NCKAP1: variants seen among roughly 807,000 people sequenced by gnomAD.
NCKAP1 encodes the protein nck-associated protein 1.
NCKAP1 carries 21 observed loss-of-function variants against 151.2 expected under a neutral mutation model. The ratio of observed to expected loss-of-function variants is 0.14; its 90% confidence interval spans 0.10 to 0.20. The LOEUF (loss-of-function observed/expected upper bound fraction) is 0.20. Ranked by LOEUF, NCKAP1 falls within the 10% of genes least tolerant of loss-of-function variation. The probability of loss-of-function intolerance (pLI) is 1.00; values close to 1 mark genes in which losing one functional copy is unlikely to be tolerated. For missense variants in NCKAP1, 933 were observed against 1,352.1 expected, an observed-to-expected ratio of 0.69 and a Z score of 4.86; for synonymous variants, 484 against 451.8, an observed-to-expected ratio of 1.07 and a Z score of -0.90.
At position 183,034,058 on chromosome 2, in the gene NCKAP1, A is replaced by G. The variant is rs145565206; in HGVS notation, c.108+3934T>C. On this transcript the variant is annotated intron_variant, in intron 1 of 30. Coordinates refer to ENST00000361354, the MANE Select transcript of NCKAP1 (RefSeq NM_013436.5). ...TGGAACACGCTTCTGCATCTGATTG[A>G]CCAAAAGAGAAAATAACACCCTAAG... Among the ~76,000 whole-genome samples, 106 of 152,310 alleles carry G rather than the reference A, an allele frequency of 7.0e-4. 1 individual carries two copies. The East Asian group carries it at 0.017, about 25-fold the overall frequency.
In NCKAP1 at chr2:183,038,114, C is replaced by T; in HGVS notation, c.-15G>A. On this transcript the variant is annotated 5_prime_UTR_variant, in exon 1 of 31. Coordinates refer to ENST00000361354, the MANE Select transcript of NCKAP1 (RefSeq NM_013436.5). Reference sequence around the variant, plus strand: ...GAGCGCGACATGGTGGTGCTGGTGCCGCCGCCGCCGCCGGCCGCCTCGCGC... The same window carrying T: ...GAGCGCGACATGGTGGTGCTGGTGCTGCCGCCGCCGCCGGCCGCCTCGCGC... 2 of 1,477,454 alleles carry T rather than the reference C, an allele frequency of 1.4e-6. No individual in the cohort carries two copies. The highest frequency in any genetic ancestry group is 9.0e-7 in the Non-Finnish European group (1 of 1,110,938). The allele number at this position is 1,477,454 out of a possible 1,614,324, so 91.5% of individuals were successfully genotyped here.
intron 26 of NCKAP1, 124 bp downstream of exon 26, chr2:182,934,628 G>A (rs1696835629): frequency 1.7e-6 from 1 of 589,822 alleles, no homozygotes. Flanking sequence ...AGGCAAGCAT[G>A]CTAACTAACC....
At chr2:182,946,619 A>G (rs1329831787) in intron 23 of NCKAP1, among the ~76,000 whole-genome samples, 1 of 152,118 alleles carries the variant, frequency 6.6e-6, no homozygotes, top group African/African-American at 2.4e-5. Flanking sequence ...AAAAATGCTC[A>G]AACAAGTATG....
At chr2:182,941,061 A>G (rs1471215501) in intron 24 of NCKAP1, among the ~76,000 whole-genome samples, 7 of 151,936 alleles carry the variant, frequency 4.6e-5, no homozygotes, top group Non-Finnish European at 1.0e-4. Flanking sequence ...CTTCTGGATT[A>G]TTTTTTGTTT....
chr2:182,987,344 CA>C (rs1698077313), intron 9 of NCKAP1, among the ~76,000 whole-genome samples: 1 of 152,044 alleles, frequency 6.6e-6, no homozygotes, highest in Non-Finnish European at 1.5e-5. Flanking sequence ...ATTCTTTGAG[CA>C]AATTTCCAAA....
At chr2:182,935,513 C>T (rs1365589589) in intron 24 of NCKAP1, 138 bp from the exon 25 acceptor site, 3 of 527,640 alleles carry the variant, frequency 5.7e-6, no homozygotes, top group Non-Finnish European at 6.5e-6. Flanking sequence ...AATTTGATTA[C>T]AATAATGATT....
chr2:182,939,436 G>A (rs1170982568), intron 24 of NCKAP1, among the ~76,000 whole-genome samples: 1 of 152,126 alleles, frequency 6.6e-6, no homozygotes, highest in African/African-American at 2.4e-5. Flanking sequence ...GGCTGATGCA[G>A]GAGAATTGGT....
intron 2 of NCKAP1, among the ~76,000 whole-genome samples, chr2:183,009,858 A>G (rs942353820): frequency 4.6e-5 from 7 of 152,240 alleles, no homozygotes; most frequent in African/African-American, 1.2e-4. Flanking sequence ...CACTTCTTCA[A>G]TACACTTCAA....
intron 29 of NCKAP1, 38 bp from the exon 30 acceptor site, chr2:182,926,943 T>C (rs1390238604): frequency 2.2e-6 from 3 of 1,382,798 alleles, no homozygotes; most frequent in Non-Finnish European, 2.0e-6. Context: ...AGTTTGTTAA[T>C]AAAAGGTTCA....
Position 182,956,524 on chromosome 2 carries a change from T to C in NCKAP1, c.2091A>G (p.Val697=), listed in dbSNP as rs1243188941. The change falls in exon 20 of 31, where the codon GTA becomes GTG. Residue 697 remains valine (V), a synonymous_variant. Coordinates refer to ENST00000361354, the MANE Select transcript of NCKAP1 (RefSeq NM_013436.5). ...FSINYVPNMV[V]WEHTFTPREY... ...CTCGTGGGGTAAAGGTATGTTCCCATACCACCATGTTTGGTACATAATTTA... is the reference window on the plus strand; with the variant it reads ...CTCGTGGGGTAAAGGTATGTTCCCACACCACCATGTTTGGTACATAATTTA... 5.6e-6 allele frequency: 9 copies of C among 1,611,092 alleles called. No homozygotes were observed. The Admixed American group carries it at 1.0e-4, about 18-fold the overall frequency.
chr2:182,966,058 T>C (rs1052059557), intron 16 of NCKAP1, among the ~76,000 whole-genome samples: 1 of 152,166 alleles, frequency 6.6e-6, no homozygotes, highest in Admixed American at 6.5e-5. Flanking sequence ...TTATACTATT[T>C]TCCAAAATAA....
At chr2:182,988,767 G>C (rs1395102009) in intron 9 of NCKAP1, among the ~76,000 whole-genome samples, 2 of 152,060 alleles carry the variant, frequency 1.3e-5, no homozygotes, top group Non-Finnish European at 2.9e-5. Context: ...TGCAAAAGAA[G>C]ACATATCTTC....
chr2:182,926,703 T>C lies in NCKAP1; in HGVS notation c.3270+113A>G, dbSNP rs886113603. On this transcript the variant is annotated intron_variant, in intron 30 of 30. Transcript: ENST00000361354. ...AAATTTTAGAAAGGTGTGGCTTACG[T>C]GAAGTGAACAAAAGGGATCAAAAAA... is the stretch of plus-strand genomic sequence containing the variant. The C allele has an allele frequency of 6.1e-5, 39 of 641,836 alleles. 1 individual carries two copies. The African/African-American group carries it at 6.8e-4, about 11-fold the overall frequency. The allele number at this position is 641,836 out of a possible 1,614,324, so 39.8% of individuals were successfully genotyped here.
chr2:183,000,512 CGG>C (rs1698356391), intron 6 of NCKAP1, among the ~76,000 whole-genome samples: 2 of 152,020 alleles, frequency 1.3e-5, no homozygotes, highest in African/African-American at 4.8e-5. Flanking sequence ...AAGACAGTTC[CGG>C]GTGGGGAAAA....
Position 182,925,726 on chromosome 2 carries a change from T to C in NCKAP1, c.3363A>G (p.Lys1121=), listed in dbSNP as rs768691464. Residue 1121 remains lysine, a synonymous_variant, in exon 31 of 31, where the codon AAA becomes AAG. Coordinates refer to ENST00000361354, the MANE Select transcript of NCKAP1 (RefSeq NM_013436.5). ...TTTATGCAGAAGATGTAACACTTTG[T>C]TTGTAGACAGCATGGTATGCATTTC... ...LLRNAYHAVY[K]QSVTSSA 1.3e-6 allele frequency: 2 copies of C among 1,572,742 alleles called. No homozygotes were observed. The highest frequency in any genetic ancestry group is 1.7e-6 in the Non-Finnish European group (2 of 1,161,914).
chr2:182,989,046 A>G lies in NCKAP1; in HGVS notation c.931T>C (p.Phe311Leu), dbSNP rs371813868. The change falls in exon 9 of 31, where the codon TTT (phenylalanine) becomes CTT (leucine). Residue 311 changes from phenylalanine to leucine, a missense_variant. Phe to Leu is a conservative substitution (Grantham distance 22, BLOSUM62 0). Coordinates refer to ENST00000361354, the MANE Select transcript of NCKAP1 (RefSeq NM_013436.5). ...ATGCCATACCCTCGTATGTTTACAAATAAGTCTTCTGCAGCTTTGTGAATG... is the reference window on the plus strand; with the variant it reads ...ATGCCATACCCTCGTATGTTTACAAGTAAGTCTTCTGCAGCTTTGTGAATG... ...FHIHKAAEDL[F>L]VNIRGYNKRI... The G allele has an allele frequency of 2.0e-5, 33 of 1,611,968 alleles. No individual in the cohort carries two copies. Among genetic ancestry groups the G allele is most frequent in the African/African-American group, 2.7e-5 (2 of 74,742 alleles).
rs1259063749 is a variant in NCKAP1 at position 182,912,397 on chromosome 2, G to GT, written c.*13304dup. On this transcript the variant is annotated 3_prime_UTR_variant, in exon 31 of 31. Coordinates refer to ENST00000361354, the MANE Select transcript of NCKAP1 (RefSeq NM_013436.5). ...CTAAAAAGCCAGCAAAGATCAAAGA[G>GT]TTTTCACATGAGCTCTCTATGTGGC... The GT allele has an allele frequency of 6.6e-6, 1 of 152,132 alleles. No homozygotes were observed. The highest frequency in any genetic ancestry group is 2.4e-5 in the African/African-American group (1 of 41,432). 9.4% of individuals were successfully genotyped at this position (152,132 alleles called of 1,614,324 possible).
At chr2:183,032,604 C>T (rs1030451395) in intron 1 of NCKAP1, among the ~76,000 whole-genome samples, 1 of 152,084 alleles carries the variant, frequency 6.6e-6, no homozygotes, top group Non-Finnish European at 1.5e-5. Flanking sequence ...ACAGTGTTAT[C>T]TTATGGGACT....
intron 6 of NCKAP1, among the ~76,000 whole-genome samples, 186 bp downstream of exon 6, chr2:183,001,767 T>A (rs1182699689): frequency 6.6e-6 from 1 of 152,122 alleles, no homozygotes; most frequent in African/African-American, 2.4e-5. Context: ...TATTCTTGAG[T>A]CTCTATACAC....
Sources: gnomAD v4.1 joint callset for allele counts (sites outside exome capture counted in the v4.1 genomes callset) on GRCh38, gnomAD v4.1.1 for gene constraint, MANE v1.5 for transcripts, NCBI Gene and HGNC (gene_info 2026-07-23, HGNC 2026-07-21) for gene names.